The following DNAH12 variants were observed in gnomAD, a reference collection of about 807,000 sequenced individuals.
DNAH12 encodes dynein axonemal heavy chain 12, also known as axonemal beta dynein heavy chain 12.
In DNAH12, 285 loss-of-function variants were observed where a neutral mutation model predicts 371.5. The observed-to-expected ratio is 0.77, with a 90% confidence interval of 0.70 to 0.85. DNAH12 has a LOEUF of 0.85. Among genes scored for constraint, DNAH12 ranks in the 40% least tolerant of loss-of-function variants. The probability of loss-of-function intolerance (pLI) is 0.00; values close to 1 mark genes in which losing one functional copy is unlikely to be tolerated. For missense variants in DNAH12, 3,611 were observed against 3,689.4 expected (o/e 0.98, Z 0.55); for synonymous variants, 1,200 against 1,213.0 (o/e 0.99, Z 0.22).
chr3:57,541,829 A>G (rs2069298020), intron 2 of DNAH12, among the ~76,000 whole-genome samples: 2 of 152,196 alleles, frequency 1.3e-5, no homozygotes, highest in African/African-American at 4.8e-5. Context: ...AATTGTAAGG[A>G]AAGTAAAATT....
chr3:57,393,656 GAAAGAA>G (rs1400938878), intron 44 of DNAH12, among the ~76,000 whole-genome samples: 22 of 119,540 alleles, frequency 1.8e-4, no homozygotes, highest in African/African-American at 6.1e-4. Flanking sequence ...AAAAAAGAAA[GAAAGAA>G]AAAGAAAAAG....
In DNAH12 at chr3:57,459,624, C is replaced by T; in HGVS notation, c.2899G>A (p.Asp967Asn). ...TCTTTAGCACAAAACTTCATGATAT[C>T]TCTCCAGTGTCTGTCTACTGTCTGA... is the stretch of plus-strand genomic sequence containing the variant. ...QFQTVDRHWRDIMKFCAKDPK... is the reference protein window; with the variant it reads ...QFQTVDRHWRNIMKFCAKDPK... The change falls in exon 20 of 74, where the codon GAT (aspartate) becomes AAT (asparagine). Residue 967 changes from aspartate (D) to asparagine (N), a missense_variant. Transcript: ENST00000495027. The T allele has an allele frequency of 6.6e-7, 1 of 1,518,696 alleles. No individual in the cohort carries two copies. Among genetic ancestry groups the T allele is most frequent in the Non-Finnish European group, 8.9e-7 (1 of 1,125,990 alleles). The allele number at this position is 1,518,696 out of a possible 1,614,324, so 94.1% of individuals were successfully genotyped here.
At chr3:57,512,870 G>A (rs2068048140) in intron 4 of DNAH12, among the ~76,000 whole-genome samples, 2 of 152,132 alleles carry the variant, frequency 1.3e-5, no homozygotes, top group Admixed American at 1.3e-4. Context: ...CAGGCATGGT[G>A]GCTCACACCT....
intron 36 of DNAH12, among the ~76,000 whole-genome samples, chr3:57,420,908 CAAAA>C (rs369971376): frequency 2.6e-5 from 2 of 78,016 alleles, no homozygotes; most frequent in African/African-American, 1.1e-4. Flanking sequence ...GACTCCGTCT[CAAAA>C]AAAAAAAAAA....
chr3:57,518,304 C>G (rs1456448742), intron 4 of DNAH12, among the ~76,000 whole-genome samples: 2 of 152,108 alleles, frequency 1.3e-5, no homozygotes, highest in Admixed American at 1.3e-4. Flanking sequence ...GCAGGTGGAT[C>G]ACTGGAGGTC....
At chr3:57,479,429 T>G (rs920614771) in intron 13 of DNAH12, among the ~76,000 whole-genome samples, 8 of 152,068 alleles carry the variant, frequency 5.3e-5, no homozygotes, top group Non-Finnish European at 1.2e-4. Context: ...AGCAAGTCCT[T>G]AGAGACCTAG....
At chr3:57,387,747 CT>C (rs1379010894) in intron 45 of DNAH12, among the ~76,000 whole-genome samples, 1 of 152,120 alleles carries the variant, frequency 6.6e-6, no homozygotes, top group African/African-American at 2.4e-5. Context: ...CTGGGATATC[CT>C]TTTTGGCCTA....
At chr3:57,508,234 T>C (rs1285965310) in intron 7 of DNAH12, 148 bp downstream of exon 7, 1 of 759,136 alleles carries the variant, frequency 1.3e-6, no homozygotes, top group Non-Finnish European at 1.9e-6. Context: ...ACCCACACAA[T>C]TGTTGAAACA....
intron 69 of DNAH12, among the ~76,000 whole-genome samples, chr3:57,303,327 A>G (rs1423939747): frequency 1.4e-5 from 2 of 144,834 alleles, no homozygotes; most frequent in Non-Finnish European, 3.0e-5. Flanking sequence ...CGACAGAGCA[A>G]AGACGCCAGC....
intron 4 of DNAH12, among the ~76,000 whole-genome samples, chr3:57,515,682 C>G (rs996576218): frequency 4.6e-5 from 7 of 151,944 alleles, no homozygotes; most frequent in African/African-American, 1.7e-4. Context: ...ATAGTCCACA[C>G]TGATCTAAAT....
Position 57,471,594 on chromosome 3 carries a change from C to A in DNAH12, c.1789G>T (p.Ala597Ser). 1 of 1,536,862 alleles carries A rather than the reference C, an allele frequency of 6.5e-7. No individual in the cohort carries two copies. The highest frequency in any genetic ancestry group is 2.1e-5 in the Admixed American group (1 of 46,844). The stretch of plus-strand genomic sequence containing the variant: ...AGTTCATTTTCTTTTTTATGTTTAG[C>A]ATTCTCAATTAGCTTTTTAAAAGAC... ...FDENDELIENAKHKKENELMA... is the reference protein window; with the variant it reads ...FDENDELIENSKHKKENELMA... Residue 597 changes from alanine to serine, a missense_variant, in exon 15 of 74, where the codon GCT becomes TCT. Around this residue, in one of 3 missense-constraint regions of DNAH12, gnomAD observed 1,314 missense variants for 1,398.7 expected, o/e 0.94. Coordinates refer to ENST00000495027, the MANE Select transcript of DNAH12 (RefSeq NM_001366028.2).
At chr3:57,396,156 T>C (rs2063731621) in intron 43 of DNAH12, among the ~76,000 whole-genome samples, 1 of 150,902 alleles carries the variant, frequency 6.6e-6, no homozygotes, top group Non-Finnish European at 1.5e-5. Flanking sequence ...CACATGCCTG[T>C]AATCCCAGCT....
At chr3:57,348,385 A>G (rs2062594359) in intron 60 of DNAH12, among the ~76,000 whole-genome samples, 1 of 152,218 alleles carries the variant, frequency 6.6e-6, no homozygotes, top group Non-Finnish European at 1.5e-5. Flanking sequence ...TAGAACACAG[A>G]GGATTTTTAG....
At chr3:57,487,922 CATT>C (rs1266556862) in intron 12 of DNAH12, among the ~76,000 whole-genome samples, 2 of 150,404 alleles carry the variant, frequency 1.3e-5, no homozygotes, top group African/African-American at 4.9e-5. Context: ...ATGGCATTGT[CATT>C]GTTGTTACTC....
At chr3:57,415,959 T>C (rs975063245) in intron 37 of DNAH12, among the ~76,000 whole-genome samples, 4 of 152,004 alleles carry the variant, frequency 2.6e-5, no homozygotes, top group Non-Finnish European at 5.9e-5. Context: ...TGGCTAATTT[T>C]TGTATTTTTA....
chr3:57,487,411 A>AG (rs2066969113), intron 12 of DNAH12, among the ~76,000 whole-genome samples: 1 of 83,246 alleles, frequency 1.2e-5, no homozygotes, highest in African/African-American at 4.2e-5. Context: ...AAGAAAAAAA[A>AG]GAAAAAGAAA....
intron 32 of DNAH12, among the ~76,000 whole-genome samples, chr3:57,432,107 T>G (rs2064972434): frequency 6.7e-6 from 1 of 150,140 alleles, no homozygotes; most frequent in Non-Finnish European, 1.5e-5. Flanking sequence ...CCAATATTAC[T>G]GAATGCATGA....
chr3:57,463,886 G>C (rs1479613287), intron 17 of DNAH12, among the ~76,000 whole-genome samples: 1 of 151,880 alleles, frequency 6.6e-6, no homozygotes, highest in Non-Finnish European at 1.5e-5. Context: ...TCCTGCCTCA[G>C]CCTCCCAAGT....
chr3:57,399,777 G>A (rs2063818925), intron 43 of DNAH12, among the ~76,000 whole-genome samples: 1 of 152,146 alleles, frequency 6.6e-6, no homozygotes, highest in South Asian at 2.1e-4. Flanking sequence ...TGAGGATGAA[G>A]ACCTTTGTGA....
Sources: gnomAD v4.1 joint callset for allele counts (sites outside exome capture counted in the v4.1 genomes callset) on GRCh38, gnomAD v4.1.1 for gene constraint, gnomAD v4.1.1 regional missense constraint, MANE v1.5 for transcripts, NCBI Gene and HGNC (gene_info 2026-07-23, HGNC 2026-07-21) for gene names.